Variants in ROBO1 observed in about 807,000 individuals in gnomAD.
ROBO1 encodes the protein roundabout homolog 1.
ROBO1 carries 149 observed loss-of-function variants against 195.9 expected under a neutral mutation model. The observed-to-expected ratio is 0.76, with a 90% CI of 0.67 to 0.87. The LOEUF is 0.87. Among genes scored for constraint, ROBO1 ranks in the 40% least tolerant of loss-of-function variants. The probability of loss-of-function intolerance (pLI) is 0.00; values close to 1 mark genes in which losing one functional copy is unlikely to be tolerated. For missense variants in ROBO1, 1,933 were observed against 2,068.3 expected (o/e 0.93, Z 1.27); for synonymous variants, 816 against 733.2 (o/e 1.11, Z -1.82).
intron 2 of ROBO1, among the ~76,000 whole-genome samples, chr3:79,310,312 T>A (rs2033422292): frequency 6.6e-6 from 1 of 152,188 alleles, no homozygotes; most frequent in Non-Finnish European, 1.5e-5. Context: ...ACCTTATTTA[T>A]CATGCTGCAA....
At chr3:79,445,562 T>A (rs559997137) in intron 2 of ROBO1, among the ~76,000 whole-genome samples, 1 of 147,392 alleles carries the variant, frequency 6.8e-6, no homozygotes, top group African/African-American at 2.5e-5. Context: ...TGTAGTGGTG[T>A]GATCATGGCT....
At chr3:79,300,421 G>A (rs191083426) in intron 2 of ROBO1, among the ~76,000 whole-genome samples, 4,268 of 152,302 alleles carry the variant, frequency 0.028, 177 homozygotes, top group African/African-American at 0.096. Context: ...CCGGCGCTGC[G>A]CTCGATTTCT....
At chr3:78,798,679 T>C (rs954638559) in intron 4 of ROBO1, among the ~76,000 whole-genome samples, 2 of 152,218 alleles carry the variant, frequency 1.3e-5, no homozygotes, top group Admixed American at 1.3e-4. Context: ...TTTTTAGATC[T>C]CTGACTAGGC....
intron 2 of ROBO1, among the ~76,000 whole-genome samples, chr3:79,559,322 T>G (rs1231622974): frequency 6.6e-6 from 1 of 152,216 alleles, no homozygotes; most frequent in Non-Finnish European, 1.5e-5. Context: ...ACATCTAATC[T>G]GTCTAAAGTT....
At position 79,138,235 on chromosome 3, in the gene ROBO1, C is replaced by T. The variant is rs184116237; in HGVS notation, c.89-12696G>A. Among the ~76,000 whole-genome samples the T allele has an allele frequency of 2.6e-5, 4 of 152,108 alleles. No individual in the cohort carries two copies. The East Asian group carries it at 7.7e-4, about 29-fold the overall frequency. ...GTGATTAAGACAGGGTCATGTCTTA[C>T]TCATCATCCTATGCCTAGCCTTAAC... On this transcript the variant is annotated intron_variant, in intron 2 of 30. Coordinates refer to ENST00000464233, the MANE Select transcript of ROBO1 (RefSeq NM_002941.4).
intron 2 of ROBO1, among the ~76,000 whole-genome samples, chr3:79,491,728 G>A (rs1402679619): frequency 6.6e-6 from 1 of 151,842 alleles, no homozygotes; most frequent in Non-Finnish European, 1.5e-5. Context: ...AAGTGAGGTA[G>A]GAAGACGGGA....
At chr3:79,065,945 A>T (rs968910174) in intron 3 of ROBO1, among the ~76,000 whole-genome samples, 2 of 151,942 alleles carry the variant, frequency 1.3e-5, no homozygotes, top group Non-Finnish European at 2.9e-5. Context: ...CCCCTAAGGA[A>T]TTGATGAATT....
chr3:78,870,382 C>A (rs2035475591), intron 4 of ROBO1, among the ~76,000 whole-genome samples: 2 of 152,202 alleles, frequency 1.3e-5, no homozygotes, highest in Non-Finnish European at 2.9e-5. Context: ...CTTCTACATG[C>A]AAGTGTGTTT....
chr3:79,214,826 A>ATATTT (rs1262558726), intron 2 of ROBO1, among the ~76,000 whole-genome samples: 2 of 129,154 alleles, frequency 1.5e-5, no homozygotes, highest in Non-Finnish European at 3.2e-5. Context: ...ATATATATAT[A>ATATTT]TTTTTTTTTT....
intron 2 of ROBO1, among the ~76,000 whole-genome samples, chr3:79,389,811 T>A (rs951143107): frequency 1.3e-5 from 2 of 152,130 alleles, no homozygotes; most frequent in Admixed American, 1.3e-4. Context: ...AAAACAGGTG[T>A]GGTCCAGGTT....
intron 1 of ROBO1, among the ~76,000 whole-genome samples, chr3:79,616,142 C>A (rs1198471576): frequency 2.0e-5 from 3 of 152,132 alleles, no homozygotes; most frequent in African/African-American, 7.2e-5. Flanking sequence ...TTCTGAAGAG[C>A]AGAGCATCAG....
chr3:78,948,497 T>C (rs1467902158), intron 3 of ROBO1, among the ~76,000 whole-genome samples: 1 of 152,148 alleles, frequency 6.6e-6, no homozygotes, highest in Non-Finnish European at 1.5e-5. Flanking sequence ...ATAAAGTAGG[T>C]ATTGATGGGA....
At chr3:79,594,958 T>C (rs1944117226) in intron 1 of ROBO1, among the ~76,000 whole-genome samples, 1 of 151,998 alleles carries the variant, frequency 6.6e-6, no homozygotes, top group African/African-American at 2.4e-5. Flanking sequence ...TGAAAGGTAA[T>C]ATATTTATAA....
chr3:79,762,001 A>T (rs1180222881), intron 1 of ROBO1, among the ~76,000 whole-genome samples: 1 of 152,064 alleles, frequency 6.6e-6, no homozygotes, highest in Non-Finnish European at 1.5e-5. Context: ...TACTTTTTTC[A>T]CTTTTAAGAT....
At chr3:79,535,524 G>T (rs1469054937) in intron 2 of ROBO1, among the ~76,000 whole-genome samples, 2 of 152,112 alleles carry the variant, frequency 1.3e-5, no homozygotes, top group East Asian at 3.9e-4. Flanking sequence ...TCCTTTCTTG[G>T]TGACAGAGGT....
intron 3 of ROBO1, among the ~76,000 whole-genome samples, chr3:78,999,832 CTA>C (rs2077456938): frequency 6.6e-6 from 1 of 152,086 alleles, no homozygotes; most frequent in Non-Finnish European, 1.5e-5. Context: ...TTCTCTCTGC[CTA>C]TATGTTTTAC....
chr3:79,217,822 T>G (rs1228538920), intron 2 of ROBO1, among the ~76,000 whole-genome samples: 1 of 151,964 alleles, frequency 6.6e-6, no homozygotes, highest in East Asian at 1.9e-4. Flanking sequence ...AAGAAACTAT[T>G]TTATACAAAT....
In ROBO1 at chr3:79,398,357, T is replaced by C. The variant is rs1405042479; in HGVS notation, c.88+191467A>G. 2.0e-5 allele frequency among the ~76,000 whole-genome samples: 3 copies of C among 152,132 alleles called. No individual in the cohort carries two copies. The East Asian group carries it at 5.8e-4, about 29-fold the overall frequency. On this transcript the variant is annotated intron_variant, in intron 2 of 30. Coordinates refer to ENST00000464233, the MANE Select transcript of ROBO1 (RefSeq NM_002941.4). Reference sequence around the variant, plus strand: ...TTAATATATAATTCTTAGACTTTTATATATTGAAGACATAATGAAATAGAC... The same window carrying C: ...TTAATATATAATTCTTAGACTTTTACATATTGAAGACATAATGAAATAGAC...
intron 2 of ROBO1, among the ~76,000 whole-genome samples, chr3:79,271,567 CTCTT>C (rs1271919757): frequency 6.6e-6 from 1 of 151,996 alleles, no homozygotes; most frequent in East Asian, 1.9e-4. Flanking sequence ...TTTCTTCCTG[CTCTT>C]TTTTTGGAAG....
Sources: gnomAD v4.1 joint callset for allele counts (sites outside exome capture counted in the v4.1 genomes callset) on GRCh38, gnomAD v4.1.1 for gene constraint, MANE v1.5 for transcripts, NCBI Gene and HGNC (gene_info 2026-07-23, HGNC 2026-07-21) for gene names.